PDZD2: variants seen among roughly 807,000 people sequenced by gnomAD.
PDZD2 encodes PDZ domain containing 2.
PDZD2 carries 90 observed loss-of-function variants against 220.7 expected under a neutral mutation model. That is an observed-to-expected ratio of 0.41 (90% CI 0.34 to 0.49). PDZD2 has a LOEUF of 0.49. Ranked by LOEUF, PDZD2 falls within the 20% of genes least tolerant of loss-of-function variation. The probability of loss-of-function intolerance (pLI) is 0.28; values close to 1 mark genes in which losing one functional copy is unlikely to be tolerated. For missense variants in PDZD2, 3,174 were observed against 3,608.5 expected, an observed-to-expected ratio of 0.88 and a Z score of 3.08; for synonymous variants, 1,375 against 1,450.5, an observed-to-expected ratio of 0.95 and a Z score of 1.18.
intron 24 of PDZD2, among the ~76,000 whole-genome samples, chr5:32,104,195 G>A (rs1340121761): frequency 1.3e-5 from 2 of 151,994 alleles, no homozygotes; most frequent in Non-Finnish European, 2.9e-5. Context: ...ATCACTTGAG[G>A]TCAGGATTCA....
chr5:32,006,935 A>T (rs79847077), intron 5 of PDZD2, among the ~76,000 whole-genome samples: 20,427 of 44,772 alleles, frequency 0.46, 2,728 homozygotes, highest in Non-Finnish European at 0.55. Context: ...TTTTTTTTTG[A>T]GACGGAGTCT....
Position 32,098,931 on chromosome 5 carries a change from C to T in PDZD2, c.8218+297C>T, listed in dbSNP as rs1743989982. Among the ~76,000 whole-genome samples the T allele has an allele frequency of 6.6e-6, 1 of 152,178 alleles. No homozygotes were observed. The highest frequency in any genetic ancestry group is 6.5e-5 in the Admixed American group (1 of 15,276). On this transcript the variant is annotated intron_variant, in intron 23 of 24. Coordinates refer to ENST00000438447, the MANE Select transcript of PDZD2 (RefSeq NM_178140.4). The surrounding 1 kb of genome is among the most constrained non-coding windows in gnomAD (Gnocchi z 4.1). ...AAGGAATCTCTTACATTCACAGCCT[C>T]TTGTTAGGACTGGTAAGGAAAACAG...
chr5:31,857,402 C>T (rs1758554310), intron 2 of PDZD2, among the ~76,000 whole-genome samples: 1 of 152,106 alleles, frequency 6.6e-6, no homozygotes, highest in Non-Finnish European at 1.5e-5. Context: ...TTTTTCTTTA[C>T]ATTCTTTTGC....
intron 1 of PDZD2, among the ~76,000 whole-genome samples, chr5:31,737,606 T>C (rs1580656439): frequency 6.6e-6 from 1 of 152,198 alleles, no homozygotes; most frequent in East Asian, 1.9e-4. Context: ...TAACTTCACT[T>C]TTAGCTGTTG....
chr5:32,026,181 GC>G (rs1754646505), intron 6 of PDZD2, among the ~76,000 whole-genome samples: 1 of 145,414 alleles, frequency 6.9e-6, no homozygotes, highest in Non-Finnish European at 1.5e-5. Context: ...CTGTCACCCA[GC>G]CTAGAGTGCA....
chr5:31,910,975 C>T (rs1743151867), intron 2 of PDZD2, among the ~76,000 whole-genome samples: 1 of 152,246 alleles, frequency 6.6e-6, no homozygotes, highest in East Asian at 1.9e-4. Context: ...GTTTAAGCAT[C>T]TAAAATTCCC....
At chr5:31,766,737 T>C (rs1752041584) in intron 1 of PDZD2, among the ~76,000 whole-genome samples, 1 of 151,192 alleles carries the variant, frequency 6.6e-6, no homozygotes, top group Non-Finnish European at 1.5e-5. Flanking sequence ...GCAGAATTTT[T>C]TTTTTTTTTT....
intron 3 of PDZD2, among the ~76,000 whole-genome samples, chr5:31,992,673 C>T (rs761105515): frequency 3.3e-5 from 5 of 152,160 alleles, no homozygotes; most frequent in Admixed American, 1.3e-4. Flanking sequence ...TACTAATTTG[C>T]GCTAAAACCC....
chr5:31,818,867 A>G (rs1047536211), intron 2 of PDZD2, among the ~76,000 whole-genome samples: 1 of 152,198 alleles, frequency 6.6e-6, no homozygotes, highest in Non-Finnish European at 1.5e-5. Flanking sequence ...CTACAGCTCT[A>G]TCATGCTAAC....
At chr5:32,034,320 C>T (rs1755356736) in intron 6 of PDZD2, among the ~76,000 whole-genome samples, 1 of 151,688 alleles carries the variant, frequency 6.6e-6, no homozygotes, top group Admixed American at 6.6e-5. Flanking sequence ...GGTCGATAGC[C>T]TGGGTCAGGT....
rs1035751338 is a variant in PDZD2, at chr5:31,647,673, C to T, written c.-361+8236C>T. The stretch of plus-strand genomic sequence containing the variant: ...ACATTTGTCATTGGAGTTAGGGCTA[C>T]CCAAATAATTCAGGATGATTCCAAC... On this transcript the variant is annotated intron_variant, in intron 1 of 24. Coordinates refer to ENST00000438447, the MANE Select transcript of PDZD2 (RefSeq NM_178140.4). Among the ~76,000 whole-genome samples the T allele has an allele frequency of 5.9e-5, 9 of 152,198 alleles. No individual in the cohort carries two copies. The South Asian group carries it at 1.7e-3, about 28-fold the overall frequency.
At chr5:31,839,528 AG>A (rs1757143660) in intron 2 of PDZD2, among the ~76,000 whole-genome samples, 1 of 152,224 alleles carries the variant, frequency 6.6e-6, no homozygotes, top group Admixed American at 6.5e-5. Context: ...TTTAGGTAGA[AG>A]GGAGATGGAA....
chr5:31,943,074 G>A (rs1340963346), intron 2 of PDZD2, among the ~76,000 whole-genome samples: 6 of 152,062 alleles, frequency 3.9e-5, no homozygotes, highest in Non-Finnish European at 5.9e-5. Context: ...GTGGTGGCAC[G>A]TGCCTGTAAT....
At chr5:31,918,558 T>G (rs1743885892) in intron 2 of PDZD2, among the ~76,000 whole-genome samples, 1 of 152,226 alleles carries the variant, frequency 6.6e-6, no homozygotes, top group South Asian at 2.1e-4. Flanking sequence ...AGGGATAACC[T>G]TTCTTTTTAA....
chr5:31,860,863 A>G (rs1379221647), intron 2 of PDZD2, among the ~76,000 whole-genome samples: 1 of 152,120 alleles, frequency 6.6e-6, no homozygotes, highest in Non-Finnish European at 1.5e-5. Flanking sequence ...ACTTTGAAAT[A>G]TGTCCATTTC....
At chr5:31,854,916 G>A (rs1259219364) in intron 2 of PDZD2, 1 of 807,828 alleles carries the variant, frequency 1.2e-6, no homozygotes, top group Non-Finnish European at 1.5e-6. Context: ...GGAGGGAGGA[G>A]GGGGGGGTCC....
chr5:31,764,073 G>A (rs1220177628), intron 1 of PDZD2, among the ~76,000 whole-genome samples: 1 of 152,142 alleles, frequency 6.6e-6, no homozygotes, highest in Non-Finnish European at 1.5e-5. Context: ...CGTCACGGAT[G>A]TCCACCCAAT....
chr5:31,937,366 C>G (rs538246897), intron 2 of PDZD2, among the ~76,000 whole-genome samples: 1 of 152,088 alleles, frequency 6.6e-6, no homozygotes, highest in South Asian at 2.1e-4. Flanking sequence ...AATTTTGTTT[C>G]GGTAGAATAG....
chr5:32,099,770 G>A (rs940967006), intron 23 of PDZD2: 1 of 152,244 alleles, frequency 6.6e-6, no homozygotes, highest in Admixed American at 6.5e-5. Flanking sequence ...CAATCACTCA[G>A]TATTCCTGCA....
Sources: allele counts gnomAD v4.1 joint callset (sites outside exome capture counted in the v4.1 genomes callset), GRCh38; gene constraint gnomAD v4.1.1; non-coding constraint Gnocchi (gnomAD v3.1); transcripts MANE v1.5; gene names NCBI Gene and HGNC (gene_info 2026-07-23, HGNC 2026-07-21).